ELAVL4: variants seen among roughly 807,000 people sequenced by gnomAD.
ELAVL4 encodes the protein ELAV like RNA binding protein 4, also known as ELAV-like protein 4.
ELAVL4 carries 1 observed loss-of-function variant against 35.6 expected under a neutral mutation model. The ratio of observed to expected loss-of-function variants is 0.03; its 90% confidence interval spans 0.01 to 0.13. The LOEUF (loss-of-function observed/expected upper bound fraction) is 0.13, where lower values mean the gene tolerates loss of function less well. Ranked by LOEUF, ELAVL4 falls within the 10% of genes least tolerant of loss-of-function variation. The pLI, the probability that ELAVL4 is intolerant of heterozygous loss-of-function variation, is 1.00. For synonymous variants in ELAVL4, 156 were observed against 171.0 expected (o/e 0.91, Z 0.69); for missense variants, 267 against 464.9 (o/e 0.57, Z 3.91).
chr1:50,130,344 G>T (rs1423469108), intron 1 of ELAVL4, among the ~76,000 whole-genome samples: 1 of 152,124 alleles, frequency 6.6e-6, no homozygotes, highest in African/African-American at 2.4e-5. Context: ...AGTGACAGTG[G>T]ACTCTGCCTG....
upstream of ELAVL4, among the ~76,000 whole-genome samples, chr1:50,102,242 C>A (rs527749550): frequency 1.3e-5 from 2 of 151,562 alleles, no homozygotes. Context: ...GCCGAGATGG[C>A]GCCACTGCAC....
chr1:50,168,841 A>C (rs990352149), intron 2 of ELAVL4, among the ~76,000 whole-genome samples: 1 of 151,894 alleles, frequency 6.6e-6, no homozygotes, highest in African/African-American at 2.4e-5. Flanking sequence ...CCCAAAACTA[A>C]TTAAAGAACT....
intron 1 of ELAVL4, among the ~76,000 whole-genome samples, chr1:50,119,917 C>G (rs1006351868): frequency 6.6e-6 from 1 of 151,772 alleles, no homozygotes; most frequent in Non-Finnish European, 1.5e-5. Context: ...AGCCACTTGA[C>G]TAAGCTTGCA....
intron 1 of ELAVL4, among the ~76,000 whole-genome samples, chr1:50,086,411 A>G (rs1572151742): frequency 6.6e-6 from 1 of 151,796 alleles, no homozygotes; most frequent in Non-Finnish European, 1.5e-5. Context: ...AGATTTCAAA[A>G]TAAGGTATAA....
intron 2 of ELAVL4, among the ~76,000 whole-genome samples, chr1:50,156,031 GCA>G (rs151228970): frequency 2.6e-4 from 39 of 149,132 alleles, no homozygotes; most frequent in Admixed American, 1.1e-3. Flanking sequence ...GCACAGGCAC[GCA>G]CACACACACA....
chr1:50,048,424 C>G (rs1396123596), intron 1 of ELAVL4, among the ~76,000 whole-genome samples: 3 of 152,188 alleles, frequency 2.0e-5, no homozygotes, highest in East Asian at 3.9e-4. Context: ...GTCAGGGTCA[C>G]ACCCCTGCCG....
At chr1:50,111,761 G>C (rs1667112317) in intron 1 of ELAVL4, among the ~76,000 whole-genome samples, 1 of 152,092 alleles carries the variant, frequency 6.6e-6, no homozygotes, top group Non-Finnish European at 1.5e-5. Context: ...TGGGACCCAT[G>C]TGTGCACTGG....
intron 6 of ELAVL4, among the ~76,000 whole-genome samples, chr1:50,198,105 C>G (rs975719877): frequency 6.6e-6 from 1 of 152,146 alleles, no homozygotes; most frequent in Non-Finnish European, 1.5e-5. Flanking sequence ...CTTATAAATC[C>G]TCCCTTGGTT....
chr1:50,109,016 C>CGGGCCGGG lies in ELAVL4; in HGVS notation c.-174_-173insGGGCCGGG. On this transcript the variant is annotated 5_prime_UTR_variant, in exon 1 of 7. Coordinates refer to ENST00000371824, the MANE Select transcript of ELAVL4 (RefSeq NM_001144774.3). ...CTCCTTTTCTTTTTTTTCTTTCTCT[C>CGGGCCGGG]CCCCGCCCACCCCCCCAAAAATAAT... 1.1e-6 allele frequency: 1 copy of CGGGCCGGG among 905,796 alleles called. No homozygotes were observed. Among genetic ancestry groups the CGGGCCGGG allele is most frequent in the Non-Finnish European group, 1.3e-6 (1 of 761,410 alleles). The allele number at this position is 905,796 out of a possible 1,614,324, so 56.1% of individuals were successfully genotyped here.
chr1:50,068,660 TG>T (rs1664376210), intron 1 of ELAVL4, among the ~76,000 whole-genome samples: 1 of 152,230 alleles, frequency 6.6e-6, no homozygotes, highest in Non-Finnish European at 1.5e-5. Context: ...GTGAAATCTG[TG>T]GATATTCTAG....
chr1:50,141,373 G>A (rs185739233), intron 1 of ELAVL4, among the ~76,000 whole-genome samples: 4 of 152,260 alleles, frequency 2.6e-5, no homozygotes, highest in Admixed American at 6.5e-5. Flanking sequence ...CCATTAAATC[G>A]AATGTAGTAG....
intron 1 of ELAVL4, among the ~76,000 whole-genome samples, chr1:50,094,314 G>A (rs1305615331): frequency 2.0e-5 from 3 of 152,106 alleles, no homozygotes; most frequent in Non-Finnish European, 4.4e-5. Context: ...GGTTTTGTTA[G>A]AGGTCTGCTG....
chr1:50,199,316 C>G lies in ELAVL4; in HGVS notation c.774-1535C>G, dbSNP rs1257952434. Among the ~76,000 whole-genome samples the G allele has an allele frequency of 2.6e-5, 4 of 152,348 alleles. No homozygotes were observed. The East Asian group carries it at 7.7e-4, about 29-fold the overall frequency. Reference sequence around the variant, plus strand: ...TTTTTAAAAACAGTTGTAGCTCACACTTTACACCATGCTCTTCCCTAGTTT... The same window carrying G: ...TTTTTAAAAACAGTTGTAGCTCACAGTTTACACCATGCTCTTCCCTAGTTT... On this transcript the variant is annotated intron_variant, in intron 6 of 6. Coordinates refer to ENST00000371824, the MANE Select transcript of ELAVL4 (RefSeq NM_001144774.3).
At position 50,077,602 on chromosome 1, in the gene ELAVL4, T is replaced by C. The variant is rs138853296; in HGVS notation, c.18+29420T>C. On this transcript the variant is annotated intron_variant, in intron 1 of 6. Coordinates refer to the ELAVL4 transcript ENST00000448907. ...CCTCACAGACATATCTAAATAATAT[T>C]TGACCAAATATCTGGTCACCCTGTG... Among the ~76,000 whole-genome samples, 230 of 152,312 alleles carry C rather than the reference T, an allele frequency of 1.5e-3. 5 individuals are homozygous for C. Among genetic ancestry groups the C allele is most frequent in the African/African-American group, 5.4e-3 (223 of 41,562 alleles).
chr1:50,181,641 T>G (rs1481031277), intron 3 of ELAVL4, among the ~76,000 whole-genome samples: 1 of 151,384 alleles, frequency 6.6e-6, no homozygotes, highest in Non-Finnish European at 1.5e-5. Context: ...ATGCTATTTG[T>G]TTAGCTTTGT....
intron 2 of ELAVL4, among the ~76,000 whole-genome samples, chr1:50,161,643 C>G (rs1273499677): frequency 6.6e-6 from 1 of 152,124 alleles, no homozygotes; most frequent in Non-Finnish European, 1.5e-5. Context: ...TCATTTGGAG[C>G]AATTTATTTT....
At chr1:50,122,297 A>G (rs1669169492) in intron 1 of ELAVL4, among the ~76,000 whole-genome samples, 1 of 152,070 alleles carries the variant, frequency 6.6e-6, no homozygotes, top group South Asian at 2.1e-4. Flanking sequence ...GTATTTTACT[A>G]TGTAAGAAGA....
At chr1:50,113,800 A>G (rs1254262536) in intron 1 of ELAVL4, among the ~76,000 whole-genome samples, 1 of 152,090 alleles carries the variant, frequency 6.6e-6, no homozygotes, top group African/African-American at 2.4e-5. Context: ...ATATGTGGAA[A>G]GTGTGTGTGT....
intron 1 of ELAVL4, chr1:50,144,588 G>C: frequency 2.1e-6 from 1 of 472,288 alleles, no homozygotes; most frequent in South Asian, 1.6e-5. Context: ...AGCTTTAATG[G>C]AACTATAATT....
Sources: gnomAD v4.1 joint callset for allele counts (sites outside exome capture counted in the v4.1 genomes callset) on GRCh38, gnomAD v4.1.1 for gene constraint, MANE v1.5 for transcripts, NCBI Gene and HGNC (gene_info 2026-07-23, HGNC 2026-07-21) for gene names.